The following RNF121 variants were observed in gnomAD, a reference collection of about 807,000 sequenced individuals.
RNF121 encodes the protein E3 ubiquitin ligase RNF121.
In RNF121, 21 loss-of-function variants were observed where a neutral mutation model predicts 46.5. That is an observed-to-expected ratio of 0.45 (90% CI 0.32 to 0.65). The LOEUF (loss-of-function observed/expected upper bound fraction) is 0.65, where lower values mean the gene tolerates loss of function less well. RNF121 is among the 30% of genes least tolerant of loss of function. The pLI, the probability that RNF121 is intolerant of heterozygous loss-of-function variation, is 0.04. For missense variants in RNF121, 346 were observed against 416.0 expected, an observed-to-expected ratio of 0.83 and a Z score of 1.46; for synonymous variants, 139 against 144.7, an observed-to-expected ratio of 0.96 and a Z score of 0.28.
intron 3 of RNF121, among the ~76,000 whole-genome samples, chr11:71,963,139 T>C (rs1386394307): frequency 6.6e-6 from 1 of 152,210 alleles, no homozygotes; most frequent in Non-Finnish European, 1.5e-5. Context: ...TTTAAAATAT[T>C]TCCTCACATT....
intron 3 of RNF121, among the ~76,000 whole-genome samples, chr11:71,962,877 GT>G (rs1954170706): frequency 6.6e-6 from 1 of 152,124 alleles, no homozygotes; most frequent in Admixed American, 6.6e-5. Context: ...CTTTCACTCC[GT>G]TTTTTTTTAA....
rs762161580 is a variant in RNF121 at position 71,949,350 on chromosome 11, C to T, written c.64-7877C>T. 7.9e-5 allele frequency among the ~76,000 whole-genome samples: 12 copies of T among 151,742 alleles called. 1 individual carries two copies. The highest frequency in any genetic ancestry group is 1.5e-4 in the Non-Finnish European group (10 of 67,936). Reference sequence around the variant, plus strand: ...GGAGGATTGCTTAGGCCTGGAAAGTCGACACTGCAGTGATCTGTGATTGCA... The same window carrying T: ...GGAGGATTGCTTAGGCCTGGAAAGTTGACACTGCAGTGATCTGTGATTGCA... On this transcript the variant is annotated intron_variant, in intron 1 of 8. Coordinates refer to ENST00000361756, the MANE Select transcript of RNF121 (RefSeq NM_018320.5).
intron 3 of RNF121, among the ~76,000 whole-genome samples, chr11:71,980,108 T>C: frequency 6.6e-6 from 1 of 152,212 alleles, no homozygotes; most frequent in East Asian, 1.9e-4. Flanking sequence ...CATTTGTTAG[T>C]ACATCCTGGT....
intron 6 of RNF121, among the ~76,000 whole-genome samples, chr11:71,993,806 A>G (rs1319819171): frequency 1.3e-5 from 2 of 150,214 alleles, no homozygotes; most frequent in Non-Finnish European, 3.0e-5. Flanking sequence ...GCTTAAGTGA[A>G]TATCTGTATT....
rs1242801393 is a variant in RNF121, at chr11:71,960,545, TG to T, written c.102-199del. On this transcript the variant is annotated intron_variant, in intron 2 of 8. Transcript: ENST00000361756. ...AATTCCAATATCTAGGCTTGGTTGC[TG>T]GGGGGTCCGTAGAGCCTGTATTCTA... 2.6e-5 allele frequency among the ~76,000 whole-genome samples: 4 copies of T among 152,034 alleles called. No homozygotes were observed. The East Asian group carries it at 5.8e-4, about 22-fold the overall frequency.
At chr11:71,971,890 TACCCTGTG>T (rs914538054) in intron 3 of RNF121, among the ~76,000 whole-genome samples, 1 of 152,202 alleles carries the variant, frequency 6.6e-6, no homozygotes, top group Non-Finnish European at 1.5e-5. Flanking sequence ...AATATACACA[TACCCTGTG>T]ACACATCCTA....
intron 3 of RNF121, among the ~76,000 whole-genome samples, chr11:71,969,889 G>A (rs1312720734): frequency 6.6e-6 from 1 of 152,122 alleles, no homozygotes; most frequent in East Asian, 1.9e-4. Context: ...TAAAAAGCAA[G>A]GGAATAGAAT....
At chr11:71,985,081 C>G (rs1226467168) in intron 4 of RNF121, among the ~76,000 whole-genome samples, 3 of 152,148 alleles carry the variant, frequency 2.0e-5, no homozygotes, top group African/African-American at 7.2e-5. Flanking sequence ...TCCACCTTGT[C>G]TGGCTATTTT....
intron 3 of RNF121, among the ~76,000 whole-genome samples, chr11:71,980,408 G>A (rs1017812488): frequency 5.9e-5 from 9 of 151,662 alleles, no homozygotes; most frequent in East Asian, 3.9e-4. Flanking sequence ...GTGCGATGGC[G>A]CGATCTCAGC....
chr11:71,969,782 G>A (rs1227688459), intron 3 of RNF121, among the ~76,000 whole-genome samples: 1 of 152,004 alleles, frequency 6.6e-6, no homozygotes, highest in Non-Finnish European at 1.5e-5. Flanking sequence ...GATGAGACTG[G>A]TCTCAAACTA....
At chr11:71,947,569 A>G (rs888759205) in intron 1 of RNF121, among the ~76,000 whole-genome samples, 4 of 152,100 alleles carry the variant, frequency 2.6e-5, no homozygotes, top group Admixed American at 6.5e-5. Context: ...CAAAGAAAGC[A>G]CTGAGGGATG....
chr11:71,954,606 T>G (rs1042267579), intron 1 of RNF121, among the ~76,000 whole-genome samples: 11 of 152,214 alleles, frequency 7.2e-5, no homozygotes, highest in Non-Finnish European at 1.5e-4. Flanking sequence ...AGAAGTCTTA[T>G]TTCTCTATTT....
intron 3 of RNF121, among the ~76,000 whole-genome samples, chr11:71,974,655 T>C (rs1204543544): frequency 2.7e-5 from 1 of 37,684 alleles, no homozygotes; most frequent in Non-Finnish European, 1.4e-4. Flanking sequence ...AGGAAATTTT[T>C]GTCAATTTCT....
intron 1 of RNF121, among the ~76,000 whole-genome samples, chr11:71,936,673 C>T (rs112020702): frequency 6.6e-6 from 1 of 152,292 alleles, no homozygotes; most frequent in African/African-American, 2.4e-5. Context: ...AGATTACAGG[C>T]GTGAGCCACT....
At chr11:71,967,504 C>T (rs1379857245) in intron 3 of RNF121, among the ~76,000 whole-genome samples, 1 of 151,784 alleles carries the variant, frequency 6.6e-6, no homozygotes, top group Non-Finnish European at 1.5e-5. Context: ...TTCATGCCAC[C>T]ACACCCAGCT....
chr11:71,978,143 C>A lies in RNF121; in HGVS notation c.244-4618C>A, dbSNP rs913319499. The A allele has an allele frequency of 1.3e-5, 6 of 449,428 alleles. No individual in the cohort carries two copies. The East Asian group carries it at 3.7e-4, about 27-fold the overall frequency. The allele number at this position is 449,428 out of a possible 1,614,324, so 27.8% of individuals were successfully genotyped here. ...CTCAAGCTCCTGGGCTCAAGCGATC[C>A]ATCTGCCTCAGCCCCCCAATGTGCT... On this transcript the variant is annotated intron_variant, in intron 3 of 8. Coordinates refer to ENST00000361756, the MANE Select transcript of RNF121 (RefSeq NM_018320.5).
chr11:71,938,246 A>G (rs1032387103), intron 1 of RNF121, among the ~76,000 whole-genome samples: 2 of 151,734 alleles, frequency 1.3e-5, no homozygotes, highest in African/African-American at 4.8e-5. Context: ...TAACAGGAAT[A>G]GCTAACTTTT....
chr11:71,966,792 G>A (rs1292765612), intron 3 of RNF121, among the ~76,000 whole-genome samples: 4 of 151,022 alleles, frequency 2.6e-5, no homozygotes, highest in Non-Finnish European at 4.4e-5. Flanking sequence ...TTGGCCTTGC[G>A]TTTTTTAAAT....
At chr11:71,937,603 C>T (rs935864921) in intron 1 of RNF121, among the ~76,000 whole-genome samples, 2 of 152,208 alleles carry the variant, frequency 1.3e-5, no homozygotes, top group Non-Finnish European at 2.9e-5. Flanking sequence ...CCATGGTCAG[C>T]CTATTCCTTC....
Sources: gnomAD v4.1 joint callset for allele counts (sites outside exome capture counted in the v4.1 genomes callset) on GRCh38, gnomAD v4.1.1 for gene constraint, MANE v1.5 for transcripts, NCBI Gene and HGNC (gene_info 2026-07-23, HGNC 2026-07-21) for gene names.